The following TRRAP variants were observed in gnomAD, a reference collection of about 807,000 sequenced individuals.
The protein encoded by TRRAP is transformation/transcription domain associated protein.
TRRAP carries 41 observed loss-of-function variants against 438.8 expected under a neutral mutation model. That is an observed-to-expected ratio of 0.09 (90% CI 0.07 to 0.12). The LOEUF is 0.12. TRRAP is among the 10% of genes least tolerant of loss of function. TRRAP has a pLI of 1.00. For missense variants in TRRAP, 3,122 were observed against 5,055.1 expected (o/e 0.62, Z 11.60); for synonymous variants, 1,994 against 1,962.9 (o/e 1.02, Z -0.42).
Position 99,012,019 on chromosome 7 carries a change from T to C in TRRAP, c.11338-52T>C. On this transcript the variant is annotated intron_variant, in intron 72 of 72. Coordinates refer to ENST00000456197, the MANE Select transcript of TRRAP (RefSeq NM_001375524.1). The surrounding 1 kb of genome is among the most constrained non-coding windows in gnomAD (Gnocchi z 5.9). ...TCCCACCTTGTTAGGAAGCTGCCCC[T>C]GTGGGCTGTTCTTGGTTAAACACAA... 2 of 1,586,836 alleles carry C rather than the reference T, an allele frequency of 1.3e-6. No homozygotes were observed. Among genetic ancestry groups the C allele is most frequent in the Non-Finnish European group, 1.7e-6 (2 of 1,163,890 alleles).
At chr7:98,933,798 A>C (rs768751174) in intron 27 of TRRAP, among the ~76,000 whole-genome samples, 4 of 152,126 alleles carry the variant, frequency 2.6e-5, no homozygotes, top group African/African-American at 7.2e-5. Flanking sequence ...TGCTGTTGAG[A>C]ACATCACACA....
chr7:98,983,300 C>A lies in TRRAP; in HGVS notation c.8863C>A (p.Gln2955Lys). 1.2e-6 allele frequency: 2 copies of A among 1,613,990 alleles called. No homozygotes were observed. Among genetic ancestry groups the A allele is most frequent in the Non-Finnish European group, 1.7e-6 (2 of 1,179,942 alleles). ...QQIIELQEAA[Q>K]INAGLQPTNL... The stretch of plus-strand genomic sequence containing the variant: ...AATCATCGAACTCCAGGAAGCTGCA[C>A]AAATCAACGCAGGCTTACAGCCAAC... The change falls in exon 60 of 73, where the codon CAA (glutamine) becomes AAA (lysine). Residue 2955 changes from glutamine (Q) to lysine (K), a missense_variant. Gln to Lys is a moderately conservative substitution (Grantham distance 53, BLOSUM62 1). Coordinates refer to ENST00000456197, the MANE Select transcript of TRRAP (RefSeq NM_001375524.1).
chr7:98,967,457 C>T (rs1304219459), intron 50 of TRRAP, 28 bp from the exon 51 acceptor site: 1 of 1,611,648 alleles, frequency 6.2e-7, no homozygotes, highest in Non-Finnish European at 8.5e-7. Context: ...AGTCCATCGT[C>T]TTGCCTGTCT....
rs200214499 is a variant in TRRAP, at chr7:98,976,657, C to A, written c.8134C>A (p.Arg2712=). Residue 2712 remains arginine, a synonymous_variant, in exon 55 of 73, where the codon CGG becomes AGG. Transcript: ENST00000456197. The surrounding 1 kb of genome is among the most constrained non-coding windows in gnomAD (Gnocchi z 4.6). ...GGGGAAGACACACAACCTCTGGTTC[C>A]GGTCCACGCTGATGTTGGAGCACCA... ...YLGKTHNLWF[R]STLMLEHQAF... is the part of the protein sequence containing the mutation. The A allele has an allele frequency of 1.2e-6, 2 of 1,614,160 alleles. No homozygotes were observed. Among genetic ancestry groups the A allele is most frequent in the Non-Finnish European group, 8.5e-7 (1 of 1,180,026 alleles).
chr7:98,927,341 G>T lies in TRRAP; in HGVS notation c.3150G>T (p.Thr1050=). 6.2e-7 allele frequency: 1 copy of T among 1,614,200 alleles called. No individual in the cohort carries two copies. The highest frequency in any genetic ancestry group is 8.5e-7 in the Non-Finnish European group (1 of 1,180,046). Residue 1050 remains threonine, a synonymous_variant, in exon 23 of 73, where the codon ACG becomes ACT. Coordinates refer to ENST00000456197, the MANE Select transcript of TRRAP (RefSeq NM_001375524.1). ...TCGCCAGCTTGATCCGCCACTATACGATGGTGGCAGTCGCCCAGCAGTGTG... is the reference window on the plus strand; with the variant it reads ...TCGCCAGCTTGATCCGCCACTATACTATGGTGGCAGTCGCCCAGCAGTGTG... ...PFVASLIRHY[T]MVAVAQQCGP...
chr7:98,954,046 C>T (rs962048067), intron 40 of TRRAP, among the ~76,000 whole-genome samples: 10 of 152,238 alleles, frequency 6.6e-5, no homozygotes, highest in Admixed American at 2.6e-4. Flanking sequence ...GGGCCCCAGC[C>T]CACTTCTCTT....
In TRRAP at chr7:98,994,913, G is replaced by A; in HGVS notation, c.10309+65G>A. The A allele has an allele frequency of 1.3e-6, 2 of 1,579,140 alleles. No homozygotes were observed. The highest frequency in any genetic ancestry group is 2.2e-5 in the East Asian group (1 of 44,488). On this transcript the variant is annotated intron_variant, in intron 67 of 72. Transcript: ENST00000456197. This position sits in a 1 kb window ranked among gnomAD's most constrained non-coding sequence, Gnocchi z 4.8. ...TGCACGCTGATTTCCTCCGGCTTTA[G>A]TGTTGAAGCTGATTGGATCCTTGGT...
chr7:98,900,607 G>A lies in TRRAP; in HGVS notation c.801-17G>A, dbSNP rs373379678. 9 of 1,595,460 alleles carry A rather than the reference G, an allele frequency of 5.6e-6. No individual in the cohort carries two copies. The highest frequency in any genetic ancestry group is 4.1e-5 in the African/African-American group (3 of 73,928). On this transcript the variant is annotated splice_polypyrimidine_tract_variant and intron_variant, in intron 10 of 72. Transcript: ENST00000456197. ...CTCATAATTGAGAGGTAATATTTTT[G>A]TTCTCTTCTTATTCAGGCAACATAA... is the stretch of plus-strand genomic sequence containing the variant.
At chr7:98,998,172 G>T (rs1390707564) in intron 67 of TRRAP, among the ~76,000 whole-genome samples, 1 of 152,152 alleles carries the variant, frequency 6.6e-6, no homozygotes, top group African/African-American at 2.4e-5. Flanking sequence ...TCTTACAGGG[G>T]TGCTTCCCAG....
chr7:98,996,273 G>C (rs1366732575), intron 67 of TRRAP, among the ~76,000 whole-genome samples: 6 of 152,222 alleles, frequency 3.9e-5, no homozygotes, highest in African/African-American at 1.2e-4. Flanking sequence ...AGGCACAGCT[G>C]CTTCTCGTGC....
At chr7:98,966,497 C>T (rs907645379) in intron 49 of TRRAP, among the ~76,000 whole-genome samples, 16 of 150,656 alleles carry the variant, frequency 1.1e-4, no homozygotes, top group Admixed American at 6.6e-4. Flanking sequence ...CCAGCCTGGC[C>T]AACATGGTGA....
In TRRAP at chr7:98,967,488, T is replaced by G; in HGVS notation, c.7302T>G (p.Asp2434Glu). The G allele has an allele frequency of 1.2e-6, 2 of 1,613,798 alleles. No homozygotes were observed. The highest frequency in any genetic ancestry group is 1.7e-6 in the Non-Finnish European group (2 of 1,180,020). The change falls in exon 51 of 73, where the codon GAT becomes GAG. Residue 2434 changes from aspartate (D) to glutamate (E), a missense_variant. Coordinates refer to ENST00000456197, the MANE Select transcript of TRRAP (RefSeq NM_001375524.1). ...TGTCTCTGACTTGGTGTTACAGGGA[T>G]GAGACCCTCTCTGGCAGCGAGCTGA... ...FLDLVNYVYR[D>E]ETLSGSELTA...
At chr7:98,883,199 T>G (rs1795540866) in intron 3 of TRRAP, among the ~76,000 whole-genome samples, 2 of 152,258 alleles carry the variant, frequency 1.3e-5, no homozygotes, top group Non-Finnish European at 1.5e-5. Flanking sequence ...TTAGATTGGA[T>G]AATTTCTGAT....
At position 98,943,027 on chromosome 7, in the gene TRRAP, T is replaced by C. The variant is rs1554416040; in HGVS notation, c.4473+10T>C. The stretch of plus-strand genomic sequence containing the variant: ...GAGGAGCGACGGAAACGTGAGTGAC[T>C]TGTTTGTTTCTGGGAAGGGCACCAG... On this transcript the variant is annotated intron_variant, in intron 31 of 72. Transcript: ENST00000456197. 2 of 1,613,886 alleles carry C rather than the reference T, an allele frequency of 1.2e-6. No individual in the cohort carries two copies. Among genetic ancestry groups the C allele is most frequent in the African/African-American group, 1.3e-5 (1 of 74,930 alleles).
At chr7:98,927,770 C>T (rs968178607) in intron 23 of TRRAP, among the ~76,000 whole-genome samples, 8 of 152,088 alleles carry the variant, frequency 5.3e-5, no homozygotes, top group Admixed American at 1.3e-4. Flanking sequence ...ACCCATGCCT[C>T]GCAGTCTCCC....
In TRRAP at chr7:98,992,245, C is replaced by A. The variant is rs1793457190; in HGVS notation, c.9847+18C>A. ...CAAGAGCGGTACGTCTCGGGTGGGG[C>A]CGGTAGGCCAGGCCGGGAAGGGCTC... On this transcript the variant is annotated intron_variant, in intron 65 of 72. Transcript: ENST00000456197. The A allele has an allele frequency of 6.2e-7, 1 of 1,613,284 alleles. No homozygotes were observed. The highest frequency in any genetic ancestry group is 1.1e-5 in the South Asian group (1 of 91,072).
rs550987891 is a variant in TRRAP, at chr7:98,910,726, A to G, written c.1812+119A>G. On this transcript the variant is annotated intron_variant, in intron 16 of 72. Transcript: ENST00000456197. ...TATTTGGATGGTCCACAGTATTTGT[A>G]TACCCAGATGTGTTTTGTTCCACAA... 1.4e-4 allele frequency: 112 copies of G among 809,228 alleles called. No homozygotes were observed. The African/African-American group carries it at 1.9e-3, about 13-fold the overall frequency. The allele number at this position is 809,228 out of a possible 1,614,324, so 50.1% of individuals were successfully genotyped here.
At chr7:98,999,387 A>G (rs939044518) in intron 67 of TRRAP, 12 of 1,333,070 alleles carry the variant, frequency 9.0e-6, no homozygotes, top group African/African-American at 2.9e-5. Flanking sequence ...CTCATCCACA[A>G]TTTCCTCTTG....
Position 99,005,821 on chromosome 7 carries a change from G to C in TRRAP, c.10753+473G>C, listed in dbSNP as rs1794138621. ...TCTAAGGTCTTTTGCACTCTACGGA[G>C]TGGGCCCCTGGAGAGCTGGGGCGTC... On this transcript the variant is annotated intron_variant, in intron 69 of 72. Coordinates refer to ENST00000456197, the MANE Select transcript of TRRAP (RefSeq NM_001375524.1). The surrounding 1 kb of genome is among the most constrained non-coding windows in gnomAD (Gnocchi z 5.1). 6.6e-6 allele frequency among the ~76,000 whole-genome samples: 1 copy of C among 152,108 alleles called. No homozygotes were observed. Among genetic ancestry groups the C allele is most frequent in the Admixed American group, 6.5e-5 (1 of 15,286 alleles).
Sources: gnomAD v4.1 joint callset for allele counts (sites outside exome capture counted in the v4.1 genomes callset) on GRCh38, gnomAD v4.1.1 for gene constraint, Gnocchi (gnomAD v3.1) non-coding constraint, MANE v1.5 for transcripts, NCBI Gene and HGNC (gene_info 2026-07-23, HGNC 2026-07-21) for gene names.